Variants in ROBO2 observed in about 807,000 individuals in gnomAD.
ROBO2 encodes the protein roundabout homolog 2.
Under a neutral mutation model 160.8 loss-of-function variants are expected in ROBO2, and 53 were observed. The ratio of observed to expected loss-of-function variants is 0.33; its 90% CI spans 0.26 to 0.41. The LOEUF (loss-of-function observed/expected upper bound fraction) is 0.41. ROBO2 is among the 10% of genes least tolerant of loss of function. The probability of loss-of-function intolerance (pLI) is 1.00; values close to 1 mark genes in which losing one functional copy is unlikely to be tolerated. For missense variants in ROBO2, 1,577 were observed against 1,722.4 expected, an observed-to-expected ratio of 0.92 and a Z score of 1.49; for synonymous variants, 664 against 611.7, an observed-to-expected ratio of 1.09 and a Z score of -1.26.
At chr3:76,463,000 C>T (rs147140347) in intron 2 of ROBO2, among the ~76,000 whole-genome samples, 169 of 151,000 alleles carry the variant, frequency 1.1e-3, no homozygotes, top group African/African-American at 4.0e-3. Context: ...GTGTGTAGGT[C>T]CACTCACTTT....
chr3:76,804,865 A>G (rs2064548115), intron 2 of ROBO2, among the ~76,000 whole-genome samples: 1 of 152,174 alleles, frequency 6.6e-6, no homozygotes, highest in Admixed American at 6.5e-5. Flanking sequence ...TTCGTAATAA[A>G]CGCACTATAA....
At chr3:76,235,390 G>T (rs1436783898) in intron 2 of ROBO2, among the ~76,000 whole-genome samples, 1 of 152,162 alleles carries the variant, frequency 6.6e-6, no homozygotes, top group Non-Finnish European at 1.5e-5. Flanking sequence ...ACCAAAGAAA[G>T]CTAGAAAAGG....
intron 2 of ROBO2, among the ~76,000 whole-genome samples, chr3:76,152,415 C>T (rs936995143): frequency 6.6e-6 from 1 of 152,080 alleles, no homozygotes; most frequent in African/African-American, 2.4e-5. Context: ...TAGAACACAA[C>T]ATTAAATGGA....
chr3:76,656,480 G>T (rs1384473504), intron 2 of ROBO2, among the ~76,000 whole-genome samples: 2 of 151,966 alleles, frequency 1.3e-5, no homozygotes, highest in Admixed American at 6.6e-5. Context: ...TGAAGGCACT[G>T]CTCATAAAGA....
At chr3:76,096,107 A>G (rs2069442189) in intron 2 of ROBO2, among the ~76,000 whole-genome samples, 1 of 152,102 alleles carries the variant, frequency 6.6e-6, no homozygotes, top group Admixed American at 6.6e-5. Flanking sequence ...TAATCTCCTC[A>G]TGTGTGCAGT....
At chr3:77,306,367 C>A (rs1428872485) in intron 2 of ROBO2, among the ~76,000 whole-genome samples, 1 of 152,036 alleles carries the variant, frequency 6.6e-6, no homozygotes, top group Non-Finnish European at 1.5e-5. Flanking sequence ...TTCATATACA[C>A]CTTTTTAAAG....
At chr3:77,420,687 G>A (rs540210601) in intron 2 of ROBO2, among the ~76,000 whole-genome samples, 67 of 152,250 alleles carry the variant, frequency 4.4e-4, no homozygotes, top group African/African-American at 1.6e-3. Context: ...TATAGAAAAT[G>A]TGTCATTAGT....
At chr3:76,386,280 C>A (rs972247061) in intron 2 of ROBO2, among the ~76,000 whole-genome samples, 2 of 151,644 alleles carry the variant, frequency 1.3e-5, no homozygotes, top group Admixed American at 1.3e-4. Flanking sequence ...CAAACTAGAC[C>A]TTTCTTCATA....
chr3:76,289,211 C>A (rs1246854264), intron 2 of ROBO2, among the ~76,000 whole-genome samples: 1 of 152,188 alleles, frequency 6.6e-6, no homozygotes, highest in African/African-American at 2.4e-5. Context: ...GATGGTATCT[C>A]ATTGTGGTTT....
In ROBO2 at chr3:76,945,916, T is replaced by G. The variant is rs115316145; in HGVS notation, c.110-152098T>G. On this transcript the variant is annotated intron_variant, in intron 2 of 26. Coordinates refer to the ROBO2 transcript ENST00000487694. The stretch of plus-strand genomic sequence containing the variant: ...TTATCCGTATTATTTTTGGGTTGCT[T>G]TTGATTGGTGGATTTTTTGGAACTC... 1.7e-3 allele frequency among the ~76,000 whole-genome samples: 256 copies of G among 152,330 alleles called. 1 individual carries two copies. The highest frequency in any genetic ancestry group is 5.2e-3 in the African/African-American group (217 of 41,578).
chr3:76,685,210 T>C lies in ROBO2; in HGVS notation c.110-412804T>C, dbSNP rs1020496. Reference sequence around the variant, plus strand: ...TGGTTGTGTTTTTTTTTTTTTTTTTTCCAGTAATTTCAGCTTAATGAGTAC... The same window carrying C: ...TGGTTGTGTTTTTTTTTTTTTTTTTCCCAGTAATTTCAGCTTAATGAGTAC... On this transcript the variant is annotated intron_variant, in intron 2 of 26. Coordinates refer to the ROBO2 transcript ENST00000487694. Among the ~76,000 whole-genome samples, 19 of 139,802 alleles carry C rather than the reference T, an allele frequency of 1.4e-4. No individual in the cohort carries two copies. In the Middle Eastern group the frequency reaches 0.012, roughly 85 times the overall value. 91.7% of individuals were successfully genotyped at this position (139,802 alleles called of 152,430 possible). A position where few individuals can be genotyped will look rare whatever the true frequency, so the allele number is the denominator to read the frequency against.
At chr3:76,297,791 T>C (rs769681601) in intron 2 of ROBO2, among the ~76,000 whole-genome samples, 3 of 135,896 alleles carry the variant, frequency 2.2e-5, no homozygotes, top group Non-Finnish European at 4.7e-5. Context: ...GAGAAAAACA[T>C]AAGCAAATGA....
At chr3:76,510,017 C>T (rs981052333) in intron 2 of ROBO2, among the ~76,000 whole-genome samples, 8 of 152,088 alleles carry the variant, frequency 5.3e-5, no homozygotes, top group Non-Finnish European at 1.2e-4. Context: ...GTCTTTTCTG[C>T]ACATGCCCAG....
At chr3:76,803,350 AG>A (rs1383409010) in intron 2 of ROBO2, among the ~76,000 whole-genome samples, 1 of 151,728 alleles carries the variant, frequency 6.6e-6, no homozygotes, top group Non-Finnish European at 1.5e-5. Context: ...GAGGAGGAGG[AG>A]AAGCGGGAGG....
intron 2 of ROBO2, among the ~76,000 whole-genome samples, chr3:76,694,278 T>C (rs1288646573): frequency 6.6e-6 from 1 of 152,170 alleles, no homozygotes; most frequent in Non-Finnish European, 1.5e-5. Flanking sequence ...CTAAAAGTCC[T>C]TTCCACAAGA....
At chr3:76,706,078 C>T (rs1157750122) in intron 2 of ROBO2, among the ~76,000 whole-genome samples, 1 of 151,950 alleles carries the variant, frequency 6.6e-6, no homozygotes, top group Non-Finnish European at 1.5e-5. Flanking sequence ...TAGAAGAAAG[C>T]AATAATAGTA....
chr3:75,928,601 G>A (rs905057961), intron 1 of ROBO2, among the ~76,000 whole-genome samples: 5 of 152,200 alleles, frequency 3.3e-5, no homozygotes, highest in Admixed American at 6.5e-5. Flanking sequence ...TGATGACTGA[G>A]CCAAGTCAGT....
rs571454201 is a variant in ROBO2 at position 76,465,167 on chromosome 3, T to C, written c.109+527565T>C. Among the ~76,000 whole-genome samples, 7 of 152,180 alleles carry C rather than the reference T, an allele frequency of 4.6e-5. No individual in the cohort carries two copies. The South Asian group carries it at 1.4e-3, about 32-fold the overall frequency. On this transcript the variant is annotated intron_variant, in intron 2 of 26. Transcript: ENST00000487694. ...GCGTAAGAACAAAGTGTATTGAAGA[T>C]AGAAGACATCTACAGGAACTGGTTT... is the stretch of plus-strand genomic sequence containing the variant.
intron 2 of ROBO2, among the ~76,000 whole-genome samples, chr3:76,464,946 G>A (rs1392847251): frequency 6.6e-6 from 1 of 151,924 alleles, no homozygotes; most frequent in Non-Finnish European, 1.5e-5. Context: ...ATGAGTGTCT[G>A]TAATTTTATT....
Sources: gnomAD v4.1 joint callset for allele counts (sites outside exome capture counted in the v4.1 genomes callset) on GRCh38, gnomAD v4.1.1 for gene constraint, MANE v1.5 for transcripts, NCBI Gene and HGNC (gene_info 2026-07-23, HGNC 2026-07-21) for gene names.